LRRC71: variants seen among roughly 807,000 people sequenced by gnomAD.
LRRC71 encodes leucine-rich repeat-containing protein 71.
Under a neutral mutation model 66.6 loss-of-function variants are expected in LRRC71, and 54 were observed. That is an observed-to-expected ratio of 0.81 (90% CI 0.65 to 1.02). The LOEUF (loss-of-function observed/expected upper bound fraction) is 1.02. LRRC71 is among the 50% of genes least tolerant of loss of function. The probability of loss-of-function intolerance (pLI) is 0.00; values close to 1 mark genes in which losing one functional copy is unlikely to be tolerated. For missense variants in LRRC71, 724 were observed against 718.0 expected (o/e 1.01, Z -0.10); for synonymous variants, 323 against 303.9 (o/e 1.06, Z -0.65).
the LRRC71 span, chr1:156,940,164 G>A: frequency 1.4e-5 from 21 of 1,529,300 alleles, no homozygotes; most frequent in East Asian, 4.5e-5. Flanking sequence ...CTGGGTGTGC[G>A]ACTGGGGACC....
Position 156,927,657 on chromosome 1 carries a change from T to A in LRRC71, c.822+2T>A. On this transcript the variant is annotated splice_donor_variant, in intron 7 of 14. Coordinates refer to ENST00000337428, the MANE Select transcript of LRRC71 (RefSeq NM_144702.3). LOFTEE classifies it high-confidence loss of function. ...GAGGGCGCAGGCTACATCGCGGACG[T>A]GAGTGCACGGCGGGGAGGGACCTGC... The A allele has an allele frequency of 1.2e-6, 2 of 1,607,162 alleles. No individual in the cohort carries two copies. The highest frequency in any genetic ancestry group is 1.7e-6 in the Non-Finnish European group (2 of 1,178,000).
At chr1:156,938,385 G>T in the LRRC71 span, 1 of 1,599,620 alleles carries the variant, frequency 6.3e-7, no homozygotes, top group Non-Finnish European at 8.6e-7. Context: ...TCCAGTCTTG[G>T]CCTGTCTTTA....
chr1:156,923,224 G>T (rs1372294819), intron 1 of LRRC71, among the ~76,000 whole-genome samples: 4 of 152,148 alleles, frequency 2.6e-5, no homozygotes, highest in Non-Finnish European at 5.9e-5. Flanking sequence ...AGGCTGTCCG[G>T]CACTTGGCAG....
intron 10 of LRRC71, 26 bp from the exon 11 acceptor site, chr1:156,929,610 C>T (rs1203525016): frequency 6.4e-7 from 1 of 1,565,218 alleles, no homozygotes; most frequent in South Asian, 1.2e-5. Context: ...GTGGGACTTG[C>T]CCCTCTCTTC....
intron 11 of LRRC71, among the ~76,000 whole-genome samples, chr1:156,930,105 T>A (rs1311515760): frequency 2.7e-5 from 4 of 148,154 alleles, no homozygotes; most frequent in Admixed American, 6.7e-5. Flanking sequence ...CTCTCTTTTT[T>A]TTTTTTTGAT....
At chr1:156,938,271 T>G in the LRRC71 span, 1 of 688,742 alleles carries the variant, frequency 1.5e-6, no homozygotes, top group Non-Finnish European at 2.4e-6. Flanking sequence ...TCCCCGTCTT[T>G]AGAGCCAGAT....
chr1:156,940,784 C>G, the LRRC71 span, among the ~76,000 whole-genome samples: 1 of 152,070 alleles, frequency 6.6e-6, no homozygotes, highest in Non-Finnish European at 1.5e-5. Context: ...CAGATTGGGC[C>G]AAGAGGACAC....
the LRRC71 span, chr1:156,940,046 G>T: frequency 6.9e-7 from 1 of 1,440,860 alleles, no homozygotes; most frequent in Non-Finnish European, 9.3e-7. Context: ...CCAACTAGCT[G>T]GTGGGGGTTG....
intron 12 of LRRC71, among the ~76,000 whole-genome samples, chr1:156,931,543 CA>C (rs1447791711): frequency 6.6e-6 from 1 of 152,196 alleles, no homozygotes; most frequent in Non-Finnish European, 1.5e-5. Flanking sequence ...CTGAATGCGA[CA>C]TACTGTTTCA....
Position 156,932,470 on chromosome 1 carries a change from G to A in LRRC71, c.1488G>A (p.Val496=), listed in dbSNP as rs1654524998. The A allele has an allele frequency of 8.1e-6, 13 of 1,613,920 alleles. No individual in the cohort carries two copies. The highest frequency in any genetic ancestry group is 1.1e-5 in the Non-Finnish European group (13 of 1,179,870). ...EVGLEGFLAT[V]QYQMQFSKAK... The stretch of plus-strand genomic sequence containing the variant: ...GGCTGGAGGGCTTCCTCGCCACGGT[G>A]CAGTATCAGATGCAGTTCTCCAAGG... Residue 496 remains valine (V), a synonymous_variant, in exon 14 of 15, where the codon GTG becomes GTA. Transcript: ENST00000337428.
At chr1:156,922,643 G>C (rs1026228727) in intron 1 of LRRC71, among the ~76,000 whole-genome samples, 3 of 152,220 alleles carry the variant, frequency 2.0e-5, no homozygotes, top group Admixed American at 2.0e-4. Context: ...CAGGCATGAA[G>C]TACTACAGGG....
chr1:156,928,111 A>C, intron 9 of LRRC71, 107 bp downstream of exon 9: 2 of 1,065,354 alleles, frequency 1.9e-6, no homozygotes, highest in Non-Finnish European at 2.8e-6. Flanking sequence ...TTTAATCTCC[A>C]CCCTCTGTCC....
chr1:156,937,536 G>C, downstream of LRRC71: 1 of 1,502,004 alleles, frequency 6.7e-7, no homozygotes, highest in Non-Finnish European at 8.9e-7. Context: ...GAGGCAAACA[G>C]AGAAGTCGAA....
At position 156,924,403 on chromosome 1, in the gene LRRC71, C is replaced by T. The variant is rs1350806607; in HGVS notation, c.311-21C>T. 3 of 1,547,312 alleles carry T rather than the reference C, an allele frequency of 1.9e-6. No individual in the cohort carries two copies. In the East Asian group the frequency reaches 7.3e-5, roughly 38 times the overall value. ...GCCCTGGAGGTGGCTGTTCCCCTCC[C>T]TCCTCACCTCTGCCTTCCAGACGAT... On this transcript the variant is annotated intron_variant, in intron 2 of 14. Transcript: ENST00000337428.
At chr1:156,922,409 G>A (rs967997962) in intron 1 of LRRC71, among the ~76,000 whole-genome samples, 1 of 152,182 alleles carries the variant, frequency 6.6e-6, no homozygotes, top group Non-Finnish European at 1.5e-5. Flanking sequence ...GACACCAACT[G>A]TGTGCTGTGG....
At chr1:156,936,495 A>ATATATATATATATATATAT (rs1330599702), downstream of LRRC71, among the ~76,000 whole-genome samples, 7 of 57,104 alleles carry the variant, frequency 1.2e-4, no homozygotes, top group Admixed American at 4.4e-4. Flanking sequence ...AAAAAAAAAA[A>ATATATATATATATATATAT]AAATATATAT....
downstream of LRRC71, chr1:156,935,259 AG>A (rs1654853502): frequency 7.9e-5 from 12 of 152,174 alleles, no homozygotes; most frequent in Admixed American, 7.9e-4. Context: ...AAGTCCAGGG[AG>A]GGAGGGAGTA....
At position 156,932,430 on chromosome 1, in the gene LRRC71, G is replaced by C. The variant is rs12119908; in HGVS notation, c.1448G>C (p.Arg483Pro). ...TGTCTGTAACTTCCACCAGGGAACC[G>C]CATCACAGAGGTGGGGCTGGAGGGC... ...VLLHLNLIRN[R>P]ITEVGLEGFL... The change falls in exon 14 of 15, where the codon CGC (arginine) becomes CCC (proline). Residue 483 changes from arginine to proline, a missense_variant. Physicochemically the swap from Arg to Pro is moderately radical, Grantham distance 103 (BLOSUM62 -2). Transcript: ENST00000337428. 5.6e-6 allele frequency: 9 copies of C among 1,612,404 alleles called. No individual in the cohort carries two copies. In the South Asian group the frequency reaches 7.7e-5, roughly 14 times the overall value.
intron 5 of LRRC71, 106 bp from the exon 6 acceptor site, chr1:156,927,096 A>T: frequency 1.1e-6 from 1 of 937,638 alleles, no homozygotes; most frequent in Non-Finnish European, 1.6e-6. Context: ...CAATCCTTTG[A>T]CTCTACTTCC....
Sources: gnomAD v4.1 joint callset for allele counts (sites outside exome capture counted in the v4.1 genomes callset) on GRCh38, gnomAD v4.1.1 for gene constraint, MANE v1.5 for transcripts, NCBI Gene and HGNC (gene_info 2026-07-23, HGNC 2026-07-21) for gene names.